DHRSX: variants seen among roughly 807,000 people sequenced by gnomAD.
DHRSX encodes the protein polyprenol dehydrogenase.
Under a neutral mutation model 34.0 loss-of-function variants are expected in DHRSX, and 31 were observed. That is an observed-to-expected ratio of 0.91 (90% CI 0.69 to 1.23). DHRSX has a LOEUF of 1.23. Ranked by LOEUF, DHRSX falls within the 50% of genes most tolerant of loss-of-function variation. The probability of loss-of-function intolerance (pLI) is 0.00; values close to 1 mark genes in which losing one functional copy is unlikely to be tolerated. For missense variants in DHRSX, 414 were observed against 428.1 expected (o/e 0.97, Z 0.29); for synonymous variants, 201 against 183.8 (o/e 1.09, Z -0.76).
chrX:2,390,652 C>G (rs767920554), intron 3 of DHRSX, among the ~76,000 whole-genome samples: 47 of 152,312 alleles, frequency 3.1e-4, no homozygotes, highest in African/African-American at 7.2e-5. Flanking sequence ...CCTCGCCCAA[C>G]CCCTATAACT....
chrX:2,387,922 AAAC>A (rs2043291501), intron 3 of DHRSX, among the ~76,000 whole-genome samples: 1 of 151,052 alleles, frequency 6.6e-6, no homozygotes, highest in African/African-American at 2.4e-5. Flanking sequence ...AAAAAAAAAA[AAAC>A]GGGATTCCCT....
At chrX:2,368,986 T>A (rs1369748804) in intron 3 of DHRSX, among the ~76,000 whole-genome samples, 2 of 152,170 alleles carry the variant, frequency 1.3e-5, no homozygotes, top group Non-Finnish European at 2.9e-5. Context: ...AAGAATATTT[T>A]GAAACTACAC....
intron 1 of DHRSX, among the ~76,000 whole-genome samples, chrX:2,459,921 A>G (rs1326438279): frequency 6.6e-6 from 1 of 152,024 alleles, no homozygotes; most frequent in East Asian, 1.9e-4. Flanking sequence ...CAGCAAGGCC[A>G]ATATGCTGAA....
intron 1 of DHRSX, among the ~76,000 whole-genome samples, chrX:2,461,903 G>T (rs1445156889): frequency 6.6e-6 from 1 of 152,040 alleles, no homozygotes; most frequent in Non-Finnish European, 1.5e-5. Context: ...ACCCAGGCTG[G>T]TCTCAAACTC....
chrX:2,230,395 A>C (rs189024175), intron 6 of DHRSX, among the ~76,000 whole-genome samples: 8 of 152,168 alleles, frequency 5.3e-5, no homozygotes, highest in Non-Finnish European at 7.3e-5. Flanking sequence ...ACACACACAC[A>C]AACCTGCTCT....
chrX:2,411,986 C>A (rs997611679), intron 2 of DHRSX, among the ~76,000 whole-genome samples: 2 of 152,152 alleles, frequency 1.3e-5, no homozygotes, highest in Non-Finnish European at 2.9e-5. Context: ...TGAGGTGGCA[C>A]GTGCGGTATC....
intron 1 of DHRSX, among the ~76,000 whole-genome samples, chrX:2,426,393 TC>T (rs2043846884): frequency 6.7e-6 from 1 of 149,822 alleles, no homozygotes; most frequent in Non-Finnish European, 1.5e-5. Context: ...CCTTCCTCCT[TC>T]CTTCTCTTTT....
At chrX:2,337,741 A>T (rs1054914675) in intron 3 of DHRSX, 1 of 152,038 alleles carries the variant, frequency 6.6e-6, no homozygotes, top group African/African-American at 2.4e-5. Context: ...GAAGTTTTGG[A>T]GACTGAGCCT....
chrX:2,357,882 G>C (rs779796339), intron 3 of DHRSX, among the ~76,000 whole-genome samples: 3 of 152,182 alleles, frequency 2.0e-5, no homozygotes, highest in African/African-American at 7.2e-5. Context: ...ATGGAAAATA[G>C]AGAAACACAT....
At chrX:2,286,062 G>C (rs186185735) in intron 4 of DHRSX, among the ~76,000 whole-genome samples, 4 of 147,348 alleles carry the variant, frequency 2.7e-5, no homozygotes, top group Non-Finnish European at 4.5e-5. Flanking sequence ...TCCAGCACAA[G>C]AGCTGGTGAT....
chrX:2,246,740 G>GAAAA (rs1303049663), intron 5 of DHRSX, among the ~76,000 whole-genome samples: 2 of 110,230 alleles, frequency 1.8e-5, no homozygotes, highest in Non-Finnish European at 4.7e-5. Context: ...AAGAAAGAAA[G>GAAAA]AAAGAAAGAA....
intron 1 of DHRSX, among the ~76,000 whole-genome samples, chrX:2,448,232 G>A (rs967515654): frequency 3.3e-5 from 5 of 151,960 alleles, no homozygotes; most frequent in Admixed American, 3.3e-4. Flanking sequence ...CAGCTACCTG[G>A]GAGGCTCAGG....
chrX:2,423,728 C>A (rs1463753952), intron 2 of DHRSX, among the ~76,000 whole-genome samples: 1 of 152,102 alleles, frequency 6.6e-6, no homozygotes, highest in African/African-American at 2.4e-5. Flanking sequence ...TAGACTCTCT[C>A]CCCTCCTCCC....
At chrX:2,321,157 G>C (rs1229507257) in intron 3 of DHRSX, among the ~76,000 whole-genome samples, 2 of 152,120 alleles carry the variant, frequency 1.3e-5, no homozygotes, top group Non-Finnish European at 2.9e-5. Flanking sequence ...GAGGGGATGG[G>C]AGCATTTATA....
intron 3 of DHRSX, among the ~76,000 whole-genome samples, chrX:2,390,817 C>T (rs754399282): frequency 1.3e-5 from 2 of 152,284 alleles, no homozygotes; most frequent in South Asian, 4.1e-4. Flanking sequence ...ATCTGAATAT[C>T]CTTCCTTTTT....
In DHRSX at chrX:2,247,474, G is replaced by A. The variant is rs368171756; in HGVS notation, c.597-4244C>T. Among the ~76,000 whole-genome samples the A allele has an allele frequency of 1.8e-3, 277 of 151,480 alleles. 2 individuals are homozygous for A. The highest frequency in any genetic ancestry group is 6.1e-3 in the African/African-American group (252 of 41,376). On this transcript the variant is annotated intron_variant, in intron 5 of 6. Coordinates refer to ENST00000334651, the MANE Select transcript of DHRSX (RefSeq NM_145177.3). ...TCGAGACCATCCTGGCTAACATGGTGAAACCTCGTCTCTACTAAAAAAACA... is the reference window on the plus strand; with the variant it reads ...TCGAGACCATCCTGGCTAACATGGTAAAACCTCGTCTCTACTAAAAAAACA...
At chrX:2,497,505 TA>T (rs997566346) in intron 1 of DHRSX, among the ~76,000 whole-genome samples, 20 of 150,168 alleles carry the variant, frequency 1.3e-4, no homozygotes, top group African/African-American at 2.4e-4. Flanking sequence ...CTTTACAGGT[TA>T]AAAAAAAAAT....
At chrX:2,402,534 C>T (rs754182133) in intron 3 of DHRSX, among the ~76,000 whole-genome samples, 1 of 152,304 alleles carries the variant, frequency 6.6e-6, no homozygotes, top group East Asian at 1.9e-4. Context: ...GGCTCCTGAG[C>T]CTGGAGGCAG....
intron 3 of DHRSX, among the ~76,000 whole-genome samples, chrX:2,346,737 T>A (rs1272618917): frequency 6.6e-6 from 1 of 151,952 alleles, no homozygotes; most frequent in African/African-American, 2.4e-5. Flanking sequence ...GCCATGGTGG[T>A]TTGCTGCACC....
Sources: gnomAD v4.1 joint callset for allele counts (sites outside exome capture counted in the v4.1 genomes callset) on GRCh38, gnomAD v4.1.1 for gene constraint, MANE v1.5 for transcripts, NCBI Gene and HGNC (gene_info 2026-07-23, HGNC 2026-07-21) for gene names.